The following UBE3A variants were observed in gnomAD, a reference collection of about 807,000 sequenced individuals.
UBE3A encodes the protein ubiquitin-protein ligase E3A.
Under a neutral mutation model 83.4 loss-of-function variants are expected in UBE3A, and 6 were observed. The ratio of observed to expected loss-of-function variants is 0.07; its 90% CI spans 0.04 to 0.14. The LOEUF is 0.14. Ranked by LOEUF, UBE3A falls within the 10% of genes least tolerant of loss-of-function variation. UBE3A has a pLI of 1.00. For synonymous variants in UBE3A, 337 were observed against 355.4 expected, an observed-to-expected ratio of 0.95 and a Z score of 0.58; for missense variants, 456 against 1,036.1, an observed-to-expected ratio of 0.44 and a Z score of 7.69.
chr15:25,341,753 C>G (rs558667688), intron 11 of UBE3A, among the ~76,000 whole-genome samples: 35 of 134,624 alleles, frequency 2.6e-4, no homozygotes, highest in Non-Finnish European at 5.3e-4. Context: ...ACATTTTGAG[C>G]CATCTCAAAA....
intron 6 of UBE3A, among the ~76,000 whole-genome samples, chr15:25,363,681 T>C (rs2078517167): frequency 6.6e-6 from 1 of 152,176 alleles, no homozygotes; most frequent in African/African-American, 2.4e-5. Flanking sequence ...TTTTTTAGGA[T>C]TATGAGTGAT....
At chr15:25,421,741 A>C (rs1291681039) in intron 1 of UBE3A, among the ~76,000 whole-genome samples, 1 of 152,006 alleles carries the variant, frequency 6.6e-6, no homozygotes, top group Non-Finnish European at 1.5e-5. Context: ...GTACCACTTA[A>C]AAAAAAACAC....
chr15:25,344,949 GTTA>G (rs575279107), intron 11 of UBE3A, among the ~76,000 whole-genome samples: 3 of 152,032 alleles, frequency 2.0e-5, no homozygotes, highest in Non-Finnish European at 2.9e-5. Flanking sequence ...CAACGACATA[GTTA>G]TTATTATTAT....
intron 4 of UBE3A, among the ~76,000 whole-genome samples, chr15:25,403,320 A>C (rs773627756): frequency 6.6e-6 from 1 of 152,188 alleles, no homozygotes; most frequent in Admixed American, 6.5e-5. Flanking sequence ...CAAAACCTCT[A>C]AACAAACCTT....
chr15:25,407,340 A>G, intron 3 of UBE3A: 1 of 946,530 alleles, frequency 1.1e-6, no homozygotes, highest in Non-Finnish European at 1.3e-6. Flanking sequence ...GAAAGAGAAG[A>G]GAGGGAAAAA....
chr15:25,398,627 T>C (rs1268166649), intron 4 of UBE3A, among the ~76,000 whole-genome samples: 1 of 151,674 alleles, frequency 6.6e-6, no homozygotes, highest in Non-Finnish European at 1.5e-5. Flanking sequence ...TTTTTATGGC[T>C]GAAGTATATT....
In UBE3A at chr15:25,367,280, T is replaced by C. The variant is rs551519508; in HGVS notation, c.1608+3286A>G. Among the ~76,000 whole-genome samples, 3 of 148,164 alleles carry C rather than the reference T, an allele frequency of 2.0e-5. No individual in the cohort carries two copies. In the South Asian group the frequency reaches 6.3e-4, roughly 31 times the overall value. Reference sequence around the variant, plus strand: ...TTGTAAATATGTAAATATTTACATATTTAAATTAAATTAATTTACATATTA... The same window carrying C: ...TTGTAAATATGTAAATATTTACATACTTAAATTAAATTAATTTACATATTA... On this transcript the variant is annotated intron_variant, in intron 6 of 12. Transcript: ENST00000648336.
At chr15:25,345,640 A>C (rs1727782421) in intron 11 of UBE3A, 1 of 152,260 alleles carries the variant, frequency 6.6e-6, no homozygotes, top group East Asian at 1.9e-4. Context: ...TTAGAGAAAA[A>C]GTATGTGCAT....
intron 4 of UBE3A, 74 bp from the exon 5 acceptor site, chr15:25,375,837 G>C: frequency 6.5e-7 from 1 of 1,542,394 alleles, no homozygotes; most frequent in South Asian, 1.1e-5. Context: ...ATATCATCAA[G>C]GCAAAAGTTA....
chr15:25,358,393 T>A (rs2077539619), intron 7 of UBE3A, among the ~76,000 whole-genome samples: 1 of 151,622 alleles, frequency 6.6e-6, no homozygotes, highest in African/African-American at 2.4e-5. Context: ...CACCAAAAAA[T>A]AAAAGATTAA....
At chr15:25,357,252 ACAT>A (rs1413321521) in intron 7 of UBE3A, 2 of 169,650 alleles carry the variant, frequency 1.2e-5, no homozygotes, top group African/African-American at 4.9e-5. Flanking sequence ...TGAAAAATAA[ACAT>A]AAAAAAACAA....
rs587784515 is a variant in UBE3A, at chr15:25,360,477, A to G, written c.1659T>C (p.Tyr553=). The change falls in exon 7 of 13, where the codon TAT becomes TAC. Residue 553 remains tyrosine, a synonymous_variant. Coordinates refer to ENST00000648336, the MANE Select transcript of UBE3A (RefSeq NM_130839.5). ...CTCCTTGTTCTCCTTCAAATTCCAC[A>G]TACAACTGCTTCTTCAAGTCTGCAG... ...ENPADLKKQL[Y]VEFEGEQGVD... is the part of the protein sequence containing the mutation. The G allele has an allele frequency of 3.7e-6, 6 of 1,613,898 alleles. No homozygotes were observed. The highest frequency in any genetic ancestry group is 1.7e-4 in the Middle Eastern group (1 of 6,058).
At chr15:25,364,361 A>G (rs1161021843) in intron 6 of UBE3A, among the ~76,000 whole-genome samples, 1 of 152,144 alleles carries the variant, frequency 6.6e-6, no homozygotes, top group African/African-American at 2.4e-5. Context: ...TCTTTTTCTT[A>G]AAAATAACCT....
At chr15:25,430,027 C>CTATATATATATATATATATATTA (rs1892608164) in intron 1 of UBE3A, among the ~76,000 whole-genome samples, 1 of 66,222 alleles carries the variant, frequency 1.5e-5, no homozygotes, top group East Asian at 6.1e-4. Context: ...AAAAAAAAAC[C>CTATATATATATATATATATATTA]TATATATATA....
At position 25,335,272 on chromosome 15, in the gene UBE3A, T is replaced by C. The variant is rs1346932938; in HGVS notation, c.*3865A>G. The C allele has an allele frequency of 6.6e-6, 1 of 152,014 alleles. No individual in the cohort carries two copies. The highest frequency in any genetic ancestry group is 1.5e-5 in the Non-Finnish European group (1 of 67,974). The allele number at this position is 152,014 out of a possible 1,614,324, so 9.4% of individuals were successfully genotyped here. ...ACTTTAAATATCTGGTCATGAAGAGTATTTGAGAAATATGACAAGTGAAGA... is the reference window on the plus strand; with the variant it reads ...ACTTTAAATATCTGGTCATGAAGAGCATTTGAGAAATATGACAAGTGAAGA... On this transcript the variant is annotated 3_prime_UTR_variant, in exon 13 of 13. Coordinates refer to ENST00000648336, the MANE Select transcript of UBE3A (RefSeq NM_130839.5).
intron 3 of UBE3A, chr15:25,407,358 C>G: frequency 2.5e-6 from 2 of 794,304 alleles, no homozygotes; most frequent in Non-Finnish European, 3.1e-6. Flanking sequence ...AAAATGAGGA[C>G]ATGATGATAG....
At chr15:25,384,989 G>A (rs534420214) in intron 4 of UBE3A, among the ~76,000 whole-genome samples, 1 of 152,172 alleles carries the variant, frequency 6.6e-6, no homozygotes, top group African/African-American at 2.4e-5. Context: ...TTAAAACATC[G>A]AATTATAAAA....
rs2073850107 is a variant in UBE3A, at chr15:25,334,131, G to A, written c.*5006C>T. ...AAGAAAATGAAATAATAGGAATCTA[G>A]ACTGGAAAGGAAGAAGTAAAAGTAT... On this transcript the variant is annotated 3_prime_UTR_variant, in exon 13 of 13. Transcript: ENST00000648336. 6.6e-6 allele frequency: 1 copy of A among 151,894 alleles called. No individual in the cohort carries two copies. Among genetic ancestry groups the A allele is most frequent in the Admixed American group, 6.6e-5 (1 of 15,246 alleles). The allele number at this position is 151,894 out of a possible 1,614,324, so 9.4% of individuals were successfully genotyped here.
intron 4 of UBE3A, among the ~76,000 whole-genome samples, chr15:25,376,216 G>A (rs890924813): frequency 3.1e-4 from 47 of 152,276 alleles, no homozygotes; most frequent in Admixed American, 3.0e-3. Context: ...TTAACAGCTT[G>A]TAAACATTTG....
Sources: allele counts gnomAD v4.1 joint callset (sites outside exome capture counted in the v4.1 genomes callset), GRCh38; gene constraint gnomAD v4.1.1; transcripts MANE v1.5; gene names NCBI Gene and HGNC (gene_info 2026-07-23, HGNC 2026-07-21).